ACSL6: variants seen among roughly 807,000 people sequenced by gnomAD.
ACSL6 encodes long-chain-fatty-acid--CoA ligase 6.
In ACSL6, 47 loss-of-function variants were observed where a neutral mutation model predicts 98.2. The observed-to-expected ratio is 0.48, with a 90% confidence interval of 0.38 to 0.61. The LOEUF is 0.61. Ranked by LOEUF, ACSL6 falls within the 20% of genes least tolerant of loss-of-function variation. The pLI is 0.00. For missense variants in ACSL6, 761 were observed against 913.4 expected (o/e 0.83, Z 2.15); for synonymous variants, 362 against 336.9 (o/e 1.07, Z -0.82).
At chr5:131,966,378 C>T (rs1048332017) in intron 17 of ACSL6, 38 bp downstream of exon 17, 1 of 1,604,426 alleles carries the variant, frequency 6.2e-7, no homozygotes, top group Admixed American at 1.7e-5. Flanking sequence ...CCTCCCACTG[C>T]CAAATGTTTG....
At chr5:131,962,736 G>T in intron 17 of ACSL6, 58 bp from the exon 18 acceptor site, 1 of 1,590,654 alleles carries the variant, frequency 6.3e-7, no homozygotes, top group Non-Finnish European at 8.6e-7. Context: ...CTGAACCTTT[G>T]CTCCTCAGTG....
intron 1 of ACSL6, among the ~76,000 whole-genome samples, chr5:132,002,051 T>C (rs1333881261): frequency 6.6e-6 from 1 of 152,074 alleles, no homozygotes; most frequent in Non-Finnish European, 1.5e-5. Flanking sequence ...AGTAGTCCCT[T>C]TGGAAATATT....
At chr5:132,001,350 C>G (rs76528156) in intron 1 of ACSL6, among the ~76,000 whole-genome samples, 1,924 of 152,322 alleles carry the variant, frequency 0.013, 40 homozygotes, top group African/African-American at 0.044. Flanking sequence ...GCAGCGCACA[C>G]TTGCCCAACA....
intron 9 of ACSL6, chr5:131,985,139 G>A: frequency 6.0e-6 from 3 of 499,848 alleles, no homozygotes; most frequent in Non-Finnish European, 1.1e-5. Flanking sequence ...CTCAGCACAT[G>A]ATCCAGCTGC....
At chr5:131,993,970 T>C in intron 2 of ACSL6, 61 bp downstream of exon 2, 1 of 1,556,206 alleles carries the variant, frequency 6.4e-7, no homozygotes, top group Non-Finnish European at 8.8e-7. Context: ...GGCTTCTACT[T>C]CCAAGATGCC....
Position 131,994,141 on chromosome 5 carries a change from T to A in ACSL6, c.160A>T (p.Thr54Ser). ...GCCAGGGCACCCATACTCACGAGGG[T>A]GGTGGCCGAGAGGCTGCGGAAAAAC... ...GQFFRSLSATTLVSMGALAAI... is the reference protein window; with the variant it reads ...GQFFRSLSATSLVSMGALAAI... Residue 54 changes from threonine (T) to serine (S), a missense_variant, in exon 2 of 21, where the codon ACC (threonine) becomes TCC (serine). Coordinates refer to ENST00000651883, the MANE Select transcript of ACSL6 (RefSeq NM_001009185.3). The A allele has an allele frequency of 6.2e-7, 1 of 1,614,002 alleles. No homozygotes were observed. Among genetic ancestry groups the A allele is most frequent in the Non-Finnish European group, 8.5e-7 (1 of 1,180,030 alleles).
In ACSL6 at chr5:131,950,581, T is replaced by C. The variant is rs887688588; in HGVS notation, c.*3653A>G. 8 of 195,970 alleles carry C rather than the reference T, an allele frequency of 4.1e-5. No homozygotes were observed. The highest frequency in any genetic ancestry group is 6.4e-5 in the Non-Finnish European group (6 of 94,384). 12.1% of individuals were successfully genotyped at this position (195,970 alleles called of 1,614,324 possible). On this transcript the variant is annotated 3_prime_UTR_variant, in exon 21 of 21. Transcript: ENST00000651883. ...TTTTATATACGGTTATTCATTCTTT[T>C]TTTCCTGAGATATTAAGCACATTTG...
rs2149670907 is a variant in ACSL6 at position 131,952,682 on chromosome 5, C to A, written c.*1552G>T. 4.6e-6 allele frequency: 1 copy of A among 215,058 alleles called. No individual in the cohort carries two copies. Among genetic ancestry groups the A allele is most frequent in the East Asian group, 7.0e-5 (1 of 14,320 alleles). 13.3% of individuals were successfully genotyped at this position (215,058 alleles called of 1,614,324 possible). A position where few individuals can be genotyped will look rare whatever the true frequency, so the allele number is the denominator to read the frequency against. The stretch of plus-strand genomic sequence containing the variant: ...CTTAATTGCTGTCCATGGTATCTGG[C>A]CTTTAATTATAAGAAATTGTTGACA... On this transcript the variant is annotated 3_prime_UTR_variant, in exon 21 of 21. Transcript: ENST00000651883.
chr5:131,987,055 A>C (rs1450857627), intron 7 of ACSL6, among the ~76,000 whole-genome samples: 2 of 152,052 alleles, frequency 1.3e-5, no homozygotes, highest in African/African-American at 4.8e-5. Context: ...CACCAATCCC[A>C]GAGTTTAAGA....
rs1755178853 is a variant in ACSL6, at chr5:132,003,074, C to T, written c.49+8431G>A. On this transcript the variant is annotated intron_variant, in intron 1 of 20. Coordinates refer to ENST00000651883, the MANE Select transcript of ACSL6 (RefSeq NM_001009185.3). ...CAGAGTCACTGAATTTTTTTGTAGA[C>T]TAGAAAGTGAGCAAGACAAAAAGAG... 1.3e-5 allele frequency among the ~76,000 whole-genome samples: 2 copies of T among 152,182 alleles called. 1 individual carries two copies. Among genetic ancestry groups the T allele is most frequent in the South Asian group, 4.1e-4 (2 of 4,830 alleles).
chr5:131,959,819 A>G (rs1186859315), intron 19 of ACSL6: 2 of 592,322 alleles, frequency 3.4e-6, no homozygotes, highest in East Asian at 2.8e-5. Flanking sequence ...AGGAGTGACC[A>G]TGAATGGGCT....
Position 131,951,645 on chromosome 5 carries a change from G to T in ACSL6, c.*2589C>A, listed in dbSNP as rs1204375624. 5.7e-6 allele frequency: 1 copy of T among 175,046 alleles called. No individual in the cohort carries two copies. The highest frequency in any genetic ancestry group is 1.2e-5 in the Non-Finnish European group (1 of 81,218). The allele number at this position is 175,046 out of a possible 1,614,324, so 10.8% of individuals were successfully genotyped here. On this transcript the variant is annotated 3_prime_UTR_variant, in exon 21 of 21. Coordinates refer to ENST00000651883, the MANE Select transcript of ACSL6 (RefSeq NM_001009185.3). ...CTGTTGCCCAGGCTGGAGTACAGTG[G>T]CGGGATCTCGGCTCACTGCAAGCTC...
chr5:131,988,829 C>T lies in ACSL6; in HGVS notation c.628G>A (p.Ala210Thr). Reference sequence around the variant, plus strand: ...CCTGTATTGATGATGTAGCGGATAGCCCCAGGGCCCAGGGTGTCATAGAGC... The same window carrying T: ...CCTGTATTGATGATGTAGCGGATAGTCCCAGGGCCCAGGGTGTCATAGAGC... ...VPLYDTLGPG[A>T]IRYIINTADI... Residue 210 changes from alanine to threonine, a missense_variant, in exon 6 of 21, where the codon GCT (alanine) becomes ACT (threonine). Transcript: ENST00000651883. 6.2e-7 allele frequency: 1 copy of T among 1,613,754 alleles called. No individual in the cohort carries two copies. The highest frequency in any genetic ancestry group is 8.5e-7 in the Non-Finnish European group (1 of 1,179,946).
chr5:131,982,165 A>T, intron 9 of ACSL6: 2 of 83,434 alleles, frequency 2.4e-5, no homozygotes, highest in African/African-American at 1.1e-4. Flanking sequence ...TTTTTTTGAG[A>T]CGGAGTCTCG....
Position 131,950,566 on chromosome 5 carries a change from G to A in ACSL6, c.*3668C>T, listed in dbSNP as rs11749245. ...TTTATAGTTTACCAATTTTATATAC[G>A]GTTATTCATTCTTTTTTTCCTGAGA... is the stretch of plus-strand genomic sequence containing the variant. On this transcript the variant is annotated 3_prime_UTR_variant, in exon 21 of 21. Transcript: ENST00000651883. 7.6e-5 allele frequency: 15 copies of A among 197,602 alleles called. No homozygotes were observed. The highest frequency in any genetic ancestry group is 1.8e-3 in the Middle Eastern group (1 of 562). 12.2% of individuals were successfully genotyped at this position (197,602 alleles called of 1,614,324 possible). A position where few individuals can be genotyped will look rare whatever the true frequency, so the allele number is the denominator to read the frequency against.
chr5:132,008,668 A>G (rs545493462), intron 1 of ACSL6, among the ~76,000 whole-genome samples: 5 of 152,314 alleles, frequency 3.3e-5, no homozygotes, highest in African/African-American at 9.6e-5. Flanking sequence ...CAAGACCTTG[A>G]AGACTCATCC....
At chr5:131,997,926 A>G (rs1166147462) in intron 1 of ACSL6, among the ~76,000 whole-genome samples, 1 of 152,188 alleles carries the variant, frequency 6.6e-6, no homozygotes, top group Non-Finnish European at 1.5e-5. Flanking sequence ...TGCAAGGCAG[A>G]GCTGTGAGTC....
chr5:131,987,074 C>T (rs774346776), intron 7 of ACSL6, among the ~76,000 whole-genome samples: 214 of 152,294 alleles, frequency 1.4e-3, no homozygotes, highest in Non-Finnish European at 2.5e-3. Context: ...GATTCCAAAG[C>T]AGCCACTGAG....
intron 18 of ACSL6, chr5:131,960,972 C>A: frequency 5.3e-6 from 1 of 190,206 alleles, no homozygotes; most frequent in Non-Finnish European, 1.1e-5. Flanking sequence ...GATTACCAAA[C>A]CACGTTGAAA....
Sources: allele counts gnomAD v4.1 joint callset (sites outside exome capture counted in the v4.1 genomes callset), GRCh38; gene constraint gnomAD v4.1.1; transcripts MANE v1.5; gene names NCBI Gene and HGNC (gene_info 2026-07-23, HGNC 2026-07-21).